KLHL30: variants seen among roughly 807,000 people sequenced by gnomAD.
The protein encoded by KLHL30 is kelch like family member 30.
A neutral mutation model predicts 55.0 loss-of-function variants in KLHL30; 55 were observed. That is an observed-to-expected ratio of 1.00 (90% confidence interval 0.80 to 1.25). The LOEUF is 1.25. Among genes scored for constraint, KLHL30 ranks in the 50% most tolerant of loss-of-function variants. The pLI is 0.00. For missense variants in KLHL30, 786 were observed against 811.6 expected (o/e 0.97, Z 0.38); for synonymous variants, 356 against 372.6 (o/e 0.96, Z 0.51).
Position 238,141,443 on chromosome 2 carries a change from C to T in KLHL30, c.689C>T (p.Pro230Leu). ...GTGCACCTGGACGCCGTGCCCAGGC[C>T]CTGCGTGCAGCAACTGCTGGCCTCA... Reference protein sequence around the residue: ...SLVHLDAVPRPCVQQLLASEP... With the variant: ...SLVHLDAVPRLCVQQLLASEP... The change falls in exon 2 of 8, where the codon CCC becomes CTC. Residue 230 changes from proline (P) to leucine (L), a missense_variant. By Grantham distance (98) the Pro-to-Leu change is moderately conservative. Transcript: ENST00000409223. 2 of 1,544,374 alleles carry T rather than the reference C, an allele frequency of 1.3e-6. No homozygotes were observed. The highest frequency in any genetic ancestry group is 2.4e-5 in the South Asian group (2 of 84,660).
In KLHL30 at chr2:238,141,346, G is replaced by C. The variant is rs374895266; in HGVS notation, c.592G>C (p.Glu198Gln). ...LQVQPEQSRL[E>Q]ALMRWVRHDP... Reference sequence around the variant, plus strand: ...GGTACAGCCGGAGCAAAGCCGACTCGAGGCCCTGATGCGCTGGGTGCGCCA... The same window carrying C: ...GGTACAGCCGGAGCAAAGCCGACTCCAGGCCCTGATGCGCTGGGTGCGCCA... Residue 198 changes from glutamate (E) to glutamine (Q), a missense_variant, in exon 2 of 8, where the codon GAG (glutamate) becomes CAG (glutamine). By Grantham distance (29) the Glu-to-Gln change is conservative. Coordinates refer to ENST00000409223, the MANE Select transcript of KLHL30 (RefSeq NM_198582.4). 2.5e-6 allele frequency: 4 copies of C among 1,596,980 alleles called. No individual in the cohort carries two copies. Among genetic ancestry groups the C allele is most frequent in the Non-Finnish European group, 3.4e-6 (4 of 1,175,300 alleles).
intron 7 of KLHL30, 76 bp downstream of exon 7, chr2:238,149,228 G>A (rs1692706352): frequency 6.4e-7 from 1 of 1,572,832 alleles, no homozygotes; most frequent in African/African-American, 1.3e-5. Context: ...CCTGGGAAGT[G>A]AGGGATGGGG....
Position 238,142,339 on chromosome 2 carries a change from G to A in KLHL30, c.775-460G>A, listed in dbSNP as rs976697918. The stretch of plus-strand genomic sequence containing the variant: ...TGGAGCTGGCTTCAGAGCCTTGCCC[G>A]TGGACGGTCACCTTGTATTCTAATT... On this transcript the variant is annotated intron_variant, in intron 2 of 7. Coordinates refer to ENST00000409223, the MANE Select transcript of KLHL30 (RefSeq NM_198582.4). Among the ~76,000 whole-genome samples, 8 of 152,322 alleles carry A rather than the reference G, an allele frequency of 5.3e-5. No individual in the cohort carries two copies. In the South Asian group the frequency reaches 6.2e-4, roughly 12 times the overall value.
intron 7 of KLHL30, among the ~76,000 whole-genome samples, chr2:238,149,641 G>A (rs12615188): frequency 0.13 from 19,827 of 152,172 alleles, 2,237 homozygotes; most frequent in African/African-American, 0.31. Flanking sequence ...GGTTCAGCCG[G>A]AGGGTACTAT....
At chr2:238,145,528 C>A in intron 4 of KLHL30, 149 bp from the exon 5 acceptor site, 1 of 836,690 alleles carries the variant, frequency 1.2e-6, no homozygotes, top group Non-Finnish European at 1.9e-6. Flanking sequence ...TCACACAGCT[C>A]GGCTGCGCTA....
intron 5 of KLHL30, among the ~76,000 whole-genome samples, chr2:238,146,266 G>A (rs1169653622): frequency 2.0e-5 from 3 of 151,674 alleles, no homozygotes; most frequent in African/African-American, 7.3e-5. Context: ...TGTAATCTCA[G>A]CACTTGGCAG....
intron 5 of KLHL30, among the ~76,000 whole-genome samples, chr2:238,146,987 C>T (rs1422833108): frequency 7.4e-6 from 1 of 134,882 alleles, no homozygotes; most frequent in African/African-American, 2.8e-5. Context: ...GCCTAGGTGA[C>T]AGGGTGAGAC....
At chr2:238,139,235 G>A (rs1020139489) in intron 1 of KLHL30, among the ~76,000 whole-genome samples, 1 of 152,200 alleles carries the variant, frequency 6.6e-6, no homozygotes, top group Admixed American at 6.5e-5. Flanking sequence ...CCCGGCAGCA[G>A]CTGGCCCAAG....
intron 3 of KLHL30, among the ~76,000 whole-genome samples, chr2:238,144,420 A>AGGCAGGC (rs1692604143): frequency 5.1e-4 from 50 of 98,854 alleles, no homozygotes; most frequent in East Asian, 1.2e-3. Context: ...GGAAGGAAGG[A>AGGCAGGC]AGGAAGGAAG....
Position 238,141,518 on chromosome 2 carries a change from G to A in KLHL30, c.764G>A (p.Gly255Asp). The change falls in exon 2 of 8, where the codon GGC (glycine) becomes GAC (aspartate). Residue 255 changes from glycine (G) to aspartate (D), a missense_variant. Physicochemically the swap from Gly to Asp is moderately conservative, Grantham distance 94 (BLOSUM62 -1). Coordinates refer to ENST00000409223, the MANE Select transcript of KLHL30 (RefSeq NM_198582.4). ...SEACRAALSQ[G>D]HDGAPLALQQ... is the part of the protein sequence containing the mutation. ...GCATGCCGGGCAGCCCTGTCCCAGG[G>A]CCATGATGGGGTGAGTGAGCGGCTG... The A allele has an allele frequency of 6.9e-7, 1 of 1,447,268 alleles. No homozygotes were observed. The highest frequency in any genetic ancestry group is 9.0e-7 in the Non-Finnish European group (1 of 1,105,168). The allele number at this position is 1,447,268 out of a possible 1,614,324, so 89.7% of individuals were successfully genotyped here.
chr2:238,140,556 G>A, intron 1 of KLHL30, 129 bp from the exon 2 acceptor site: 2 of 558,944 alleles, frequency 3.6e-6, no homozygotes, highest in Non-Finnish European at 6.2e-6. Flanking sequence ...GGGGTAAAGT[G>A]ACTGGCATAT....
At position 238,141,196 on chromosome 2, in the gene KLHL30, C is replaced by A. The variant is rs776091492; in HGVS notation, c.442C>A (p.Leu148Met). Residue 148 changes from leucine (L) to methionine (M), a missense_variant, in exon 2 of 8, where the codon CTG becomes ATG. Coordinates refer to ENST00000409223, the MANE Select transcript of KLHL30 (RefSeq NM_198582.4). ...TGAGTTCGGGGAGCAGCAAGGGCTG[C>A]TGGGCGTGGCTGCCAAGGCCTGGGC... ...ICEFGEQQGL[L>M]GVAAKAWAFL... 5 of 1,611,288 alleles carry A rather than the reference C, an allele frequency of 3.1e-6. No individual in the cohort carries two copies.
At chr2:238,141,753 T>C (rs573041308) in intron 2 of KLHL30, among the ~76,000 whole-genome samples, 2 of 152,246 alleles carry the variant, frequency 1.3e-5, no homozygotes, top group East Asian at 3.9e-4. Context: ...GGCAGGGGAA[T>C]GTGGAAGTGG....
At chr2:238,148,146 C>T (rs980990960) in intron 6 of KLHL30, 124 bp downstream of exon 6, 302 of 968,764 alleles carry the variant, frequency 3.1e-4, no homozygotes, top group Admixed American at 1.3e-3. Flanking sequence ...TGGAGAGAGC[C>T]GGCGGCCGCA....
Position 238,151,143 on chromosome 2 carries a change from C to G in KLHL30, c.*78C>G. The G allele has an allele frequency of 2.0e-6, 3 of 1,494,060 alleles. No individual in the cohort carries two copies. The Admixed American group carries it at 6.3e-5, about 32-fold the overall frequency. The allele number at this position is 1,494,060 out of a possible 1,614,324, so 92.6% of individuals were successfully genotyped here. ...TGTGGAACGGCCCCTTTCATTTTCGCTTATTTGTTCACTCGGAGCTACCAT... is the reference window on the plus strand; with the variant it reads ...TGTGGAACGGCCCCTTTCATTTTCGGTTATTTGTTCACTCGGAGCTACCAT... On this transcript the variant is annotated 3_prime_UTR_variant, in exon 8 of 8. Coordinates refer to ENST00000409223, the MANE Select transcript of KLHL30 (RefSeq NM_198582.4).
Position 238,148,035 on chromosome 2 carries a change from C to A in KLHL30, c.1339+13C>A. On this transcript the variant is annotated intron_variant, in intron 6 of 7. Transcript: ENST00000409223. ...AACCCTGTCACAGGTGGGTGGGGCTCAGGGACCGAGGATAGAGGACCACAG... is the reference window on the plus strand; with the variant it reads ...AACCCTGTCACAGGTGGGTGGGGCTAAGGGACCGAGGATAGAGGACCACAG... 1 of 1,400,688 alleles carries A rather than the reference C, an allele frequency of 7.1e-7. No homozygotes were observed. Among genetic ancestry groups the A allele is most frequent in the South Asian group, 1.6e-5 (1 of 63,836 alleles). 86.8% of individuals were successfully genotyped at this position (1,400,688 alleles called of 1,614,324 possible).
chr2:238,144,416 A>C (rs55963130), intron 3 of KLHL30, among the ~76,000 whole-genome samples: 2,450 of 106,298 alleles, frequency 0.023, 52 homozygotes, highest in African/African-American at 0.076. Context: ...GGAAGGAAGG[A>C]AGGAAGGAAG....
At position 238,147,773 on chromosome 2, in the gene KLHL30, T is replaced by G; in HGVS notation, c.1151-61T>G. On this transcript the variant is annotated intron_variant, in intron 5 of 7. Transcript: ENST00000409223. The surrounding 1 kb of genome is among the most constrained non-coding windows in gnomAD (Gnocchi z 5.8). The stretch of plus-strand genomic sequence containing the variant: ...TGCTGCCTTACAAAGCCCCAGCCCC[T>G]GAGTTTCCAGGCCTCCCCTCTCCTC... 11 of 1,139,608 alleles carry G rather than the reference T, an allele frequency of 9.7e-6. No homozygotes were observed. Among genetic ancestry groups the G allele is most frequent in the South Asian group, 2.3e-5 (1 of 42,566 alleles). The allele number at this position is 1,139,608 out of a possible 1,614,324, so 70.6% of individuals were successfully genotyped here.
At chr2:238,148,061 G>T in intron 6 of KLHL30, 39 bp downstream of exon 6, 1 of 1,344,386 alleles carries the variant, frequency 7.4e-7, no homozygotes, top group Non-Finnish European at 9.7e-7. Flanking sequence ...AGGACCACAG[G>T]CCCCTCTGAC....
Sources: allele counts gnomAD v4.1 joint callset (sites outside exome capture counted in the v4.1 genomes callset), GRCh38; gene constraint gnomAD v4.1.1; non-coding constraint Gnocchi (gnomAD v3.1); transcripts MANE v1.5; gene names NCBI Gene and HGNC (gene_info 2026-07-23, HGNC 2026-07-21).